The following SLC49A3 variants were observed in gnomAD, a reference collection of about 807,000 sequenced individuals.
SLC49A3 encodes the protein solute carrier family 49 member A3.
In SLC49A3, 50 loss-of-function variants were observed where a neutral mutation model predicts 43.8. That is an observed-to-expected ratio of 1.14 (90% CI 0.91 to 1.45). The LOEUF (loss-of-function observed/expected upper bound fraction) is 1.45. Ranked by LOEUF, SLC49A3 falls within the 40% of genes most tolerant of loss-of-function variation. The probability of loss-of-function intolerance (pLI) is 0.00; values close to 1 mark genes in which losing one functional copy is unlikely to be tolerated. For missense variants in SLC49A3, 906 were observed against 774.1 expected, an observed-to-expected ratio of 1.17 and a Z score of -2.02; for synonymous variants, 413 against 352.0, an observed-to-expected ratio of 1.17 and a Z score of -1.94.
chr4:681,268 C>T, downstream of SLC49A3: 1 of 1,127,814 alleles, frequency 8.9e-7, no homozygotes, highest in Non-Finnish European at 1.3e-6. Flanking sequence ...AACAGGCCCC[C>T]GGGGGGCTCC....
intron 1 of SLC49A3, 37 bp from the exon 2 acceptor site, chr4:686,727 G>A (rs1560176793): frequency 1.3e-6 from 2 of 1,592,342 alleles, no homozygotes; most frequent in Middle Eastern, 3.4e-4. Context: ...CAGGGCCACA[G>A]ACCCCGGACC....
At chr4:684,378 C>T in intron 6 of SLC49A3, 105 bp downstream of exon 6, 1 of 1,487,400 alleles carries the variant, frequency 6.7e-7, no homozygotes, top group Non-Finnish European at 9.1e-7. Context: ...GTCAATGTGG[C>T]CCCCGCCAGG....
At chr4:684,458 T>C (rs768678094) in intron 6 of SLC49A3, 25 bp downstream of exon 6, 1 of 1,610,484 alleles carries the variant, frequency 6.2e-7, no homozygotes, top group Non-Finnish European at 8.5e-7. Flanking sequence ...AGAGGCAGGG[T>C]CCCCAGGGGT....
In SLC49A3 at chr4:682,396, C is replaced by T; in HGVS notation, c.1262-20G>A. On this transcript the variant is annotated intron_variant, in intron 9 of 9. Coordinates refer to ENST00000322224, the MANE Select transcript of SLC49A3 (RefSeq NM_032219.4). ...GAGACACTGGGGACACATAGCACAG[C>T]TGTCCCCACAGCCAAGCCCAGGGGC... 1 of 1,327,494 alleles carries T rather than the reference C, an allele frequency of 7.5e-7. No homozygotes were observed. The highest frequency in any genetic ancestry group is 2.0e-4 in the Middle Eastern group (1 of 4,954). 82.2% of individuals were successfully genotyped at this position (1,327,494 alleles called of 1,614,324 possible). A position where few individuals can be genotyped will look rare whatever the true frequency, so the allele number is the denominator to read the frequency against.
At chr4:680,053 C>G, downstream of SLC49A3, 1 of 1,499,832 alleles carries the variant, frequency 6.7e-7, no homozygotes, top group East Asian at 2.3e-5. Context: ...GCCCTCCTAG[C>G]TAATTCCTAA....
chr4:678,999 C>A, downstream of SLC49A3: 1 of 1,613,806 alleles, frequency 6.2e-7, no homozygotes, highest in Non-Finnish European at 8.5e-7. Context: ...GCTTCATTGA[C>A]AAGGAGGACC....
In SLC49A3 at chr4:686,126, C is replaced by T; in HGVS notation, c.471G>A (p.Glu157=). 2 of 1,613,138 alleles carry T rather than the reference C, an allele frequency of 1.2e-6. No homozygotes were observed. Among genetic ancestry groups the T allele is most frequent in the Admixed American group, 1.7e-5 (1 of 60,014 alleles). Reference sequence around the variant, plus strand: ...GCATGTTGGCCGTGGCTCGCTGGTGCTCTGGGAACCACAAGGCAGCCAGCT... The same window carrying T: ...GCATGTTGGCCGTGGCTCGCTGGTGTTCTGGGAACCACAAGGCAGCCAGCT... ...PAKLAALWFP[E]HQRATANMLA... The change falls in exon 3 of 10, where the codon GAG becomes GAA. Residue 157 remains glutamate (E), a synonymous_variant. Coordinates refer to ENST00000322224, the MANE Select transcript of SLC49A3 (RefSeq NM_032219.4).
chr4:682,082 T>G lies in SLC49A3; in HGVS notation c.1556A>C (p.Gln519Pro), dbSNP rs893414506. The change falls in exon 10 of 10, where the codon CAA becomes CCA. Residue 519 changes from glutamine (Q) to proline (P), a missense_variant. Coordinates refer to ENST00000322224, the MANE Select transcript of SLC49A3 (RefSeq NM_032219.4). ...PACHRATPRA[Q>P]GPAATDAPSR... is the part of the protein sequence containing the mutation. Reference sequence around the variant, plus strand: ...GGGCGCGTCGGTGGCTGCTGGGCCTTGCGCACGGGGAGTCGCTCGGTGGCA... The same window carrying G: ...GGGCGCGTCGGTGGCTGCTGGGCCTGGCGCACGGGGAGTCGCTCGGTGGCA... 3 of 1,401,204 alleles carry G rather than the reference T, an allele frequency of 2.1e-6. No homozygotes were observed. The Admixed American group carries it at 8.3e-5, about 39-fold the overall frequency. 86.8% of individuals were successfully genotyped at this position (1,401,204 alleles called of 1,614,324 possible).
Position 682,364 on chromosome 4 carries a change from A to G in SLC49A3, c.1274T>C (p.Leu425Pro). ...DPLDWTVSLLLMAGLCTFFSC... is the reference protein window; with the variant it reads ...DPLDWTVSLLPMAGLCTFFSC... ...GAAGAAGGTGCACAGGCCGGCCATC[A>G]GCAGCAGAGACACTGGGGACACATA... is the stretch of plus-strand genomic sequence containing the variant. Residue 425 changes from leucine to proline, a missense_variant, in exon 10 of 10, where the codon CTG becomes CCG. By Grantham distance (98) the Leu-to-Pro change is moderately conservative. Coordinates refer to ENST00000322224, the MANE Select transcript of SLC49A3 (RefSeq NM_032219.4). 1 of 1,336,926 alleles carries G rather than the reference A, an allele frequency of 7.5e-7. No individual in the cohort carries two copies. The highest frequency in any genetic ancestry group is 1.5e-5 in the African/African-American group (1 of 66,646). 82.8% of individuals were successfully genotyped at this position (1,336,926 alleles called of 1,614,324 possible).
intron 8 of SLC49A3, 38 bp from the exon 9 acceptor site, chr4:682,928 C>T (rs1173116448): frequency 4.0e-6 from 6 of 1,498,494 alleles, no homozygotes; most frequent in Non-Finnish European, 5.4e-6. Flanking sequence ...CTGCACTGCC[C>T]ACCCCCTCGG....
downstream of SLC49A3, chr4:680,135 A>C (rs2109348244): frequency 9.7e-7 from 1 of 1,030,514 alleles, no homozygotes; most frequent in East Asian, 2.6e-5. Context: ...AGGGCCTGGC[A>C]CTCTGGGAGC....
At chr4:680,771 G>T, downstream of SLC49A3, 2 of 677,034 alleles carry the variant, frequency 3.0e-6, no homozygotes, top group East Asian at 5.5e-5. Flanking sequence ...CTCACACAGG[G>T]ACCAGCGCCT....
chr4:677,037 G>A (rs1738910701), downstream of SLC49A3: 8 of 546,852 alleles, frequency 1.5e-5, no homozygotes, highest in South Asian at 2.4e-4. Flanking sequence ...CAGACACGGT[G>A]GCGCCCCCAG....
At chr4:677,878 C>T, downstream of SLC49A3, 1 of 1,365,156 alleles carries the variant, frequency 7.3e-7, no homozygotes. Context: ...GCTCACTCTG[C>T]AGCTGTCCAG....
downstream of SLC49A3, among the ~76,000 whole-genome samples, chr4:677,248 T>C (rs997715328): frequency 6.6e-6 from 1 of 152,130 alleles, no homozygotes; most frequent in Non-Finnish European, 1.5e-5. Context: ...TCCCACCCCT[T>C]GAACCAGGGC....
upstream of SLC49A3, among the ~76,000 whole-genome samples, chr4:691,011 G>A (rs570100843): frequency 5.9e-5 from 9 of 152,338 alleles, no homozygotes; most frequent in East Asian, 5.8e-4. Flanking sequence ...CATGGGCCGG[G>A]TGCGGTGGCT....
Position 686,075 on chromosome 4 carries a change from T to C in SLC49A3, c.508+14A>G. ...GGTGAGCCCAGGCAGGCGGCCTCCC[T>C]CCCCGGAACTCACACATGGTGGCGA... On this transcript the variant is annotated intron_variant, in intron 3 of 9. Transcript: ENST00000322224. 5 of 1,612,458 alleles carry C rather than the reference T, an allele frequency of 3.1e-6. No homozygotes were observed. Among genetic ancestry groups the C allele is most frequent in the African/African-American group, 1.3e-5 (1 of 74,952 alleles).
upstream of SLC49A3, among the ~76,000 whole-genome samples, chr4:691,475 C>T (rs1741884462): frequency 6.6e-6 from 1 of 150,464 alleles, no homozygotes; most frequent in African/African-American, 2.5e-5. Context: ...TGCCTGTAAT[C>T]CCAGCTACTC....
chr4:679,977 A>C (rs1438474303), downstream of SLC49A3: 2 of 1,613,440 alleles, frequency 1.2e-6, no homozygotes, highest in Non-Finnish European at 1.7e-6. Flanking sequence ...GGGCCCATCA[A>C]CTTCACCATG....
Sources: allele counts gnomAD v4.1 joint callset (sites outside exome capture counted in the v4.1 genomes callset), GRCh38; gene constraint gnomAD v4.1.1; transcripts MANE v1.5; gene names NCBI Gene and HGNC (gene_info 2026-07-23, HGNC 2026-07-21).